NDUFS6: variants seen among roughly 807,000 people sequenced by gnomAD.
NDUFS6 encodes the protein NADH dehydrogenase [ubiquinone] iron-sulfur protein 6, mitochondrial.
NDUFS6 carries 14 observed loss-of-function variants against 13.2 expected under a neutral mutation model. The ratio of observed to expected loss-of-function variants is 1.06; its 90% CI spans 0.70 to 1.66. NDUFS6 has a LOEUF of 1.66. Ranked by LOEUF, NDUFS6 falls within the 40% of genes most tolerant of loss-of-function variation. The pLI is 0.00. For synonymous variants in NDUFS6, 95 were observed against 72.3 expected, an observed-to-expected ratio of 1.31 and a Z score of -1.60; for missense variants, 206 against 170.8, an observed-to-expected ratio of 1.21 and a Z score of -1.15.
At chr5:1,815,149 GAAA>G (rs980740477) in intron 3 of NDUFS6, among the ~76,000 whole-genome samples, 1 of 151,792 alleles carries the variant, frequency 6.6e-6, no homozygotes, top group Non-Finnish European at 1.5e-5. Flanking sequence ...GGACCATTGA[GAAA>G]AAAAAGAACA....
At position 1,803,980 on chromosome 5, in the gene NDUFS6, G is replaced by A. The variant is rs139710773; in HGVS notation, c.186+1606G>A. 5.1e-4 allele frequency among the ~76,000 whole-genome samples: 78 copies of A among 152,204 alleles called. No homozygotes were observed. The East Asian group carries it at 0.011, about 21-fold the overall frequency. On this transcript the variant is annotated intron_variant, in intron 2 of 3. Transcript: ENST00000274137. ...GGTATGGTTTCTTTTAGTGGTGACC[G>A]TGGAGAAGGGGAGAAACCGATGGAT...
chr5:1,807,110 ATGAGGTACTCAGAGGTACTGCG>A (rs70957392), intron 2 of NDUFS6, among the ~76,000 whole-genome samples: 23 of 62,106 alleles, frequency 3.7e-4, no homozygotes, highest in South Asian at 7.5e-4. Context: ...GAAGTACTGT[ATGAGGTACTCAGAGGTACTGCG>A]TGAGGTACTC....
rs567528957 is a variant in NDUFS6, at chr5:1,801,472, C to T, written c.55C>T (p.Arg19Trp). ...RLLNRCGEAA[R>W]SLPLGARCFG... ...GCTGAACCGGTGTGGCGAGGCGGCGCGGAGCCTGCCCCTGGGCGCCAGGTG... is the reference window on the plus strand; with the variant it reads ...GCTGAACCGGTGTGGCGAGGCGGCGTGGAGCCTGCCCCTGGGCGCCAGGTG... The change falls in exon 1 of 4, where the codon CGG (arginine) becomes TGG (tryptophan). Residue 19 changes from arginine to tryptophan, a missense_variant. By Grantham distance (101) the Arg-to-Trp change is moderately radical. Coordinates refer to ENST00000274137, the MANE Select transcript of NDUFS6 (RefSeq NM_004553.6). 3.1e-6 allele frequency: 5 copies of T among 1,603,556 alleles called. No individual in the cohort carries two copies. The highest frequency in any genetic ancestry group is 1.1e-5 in the South Asian group (1 of 90,780).
intron 2 of NDUFS6, 28 bp downstream of exon 2, chr5:1,802,402 T>G (rs371415129): frequency 1.3e-6 from 2 of 1,589,056 alleles, no homozygotes; most frequent in Non-Finnish European, 1.7e-6. Flanking sequence ...TGAAGAGAGG[T>G]AAGCTTTCCT....
Position 1,802,353 on chromosome 5 carries a change from G to T in NDUFS6, c.165G>T (p.Arg55=), listed in dbSNP as rs147278612. The T allele has an allele frequency of 1.7e-5, 28 of 1,613,928 alleles. No homozygotes were observed. The highest frequency in any genetic ancestry group is 2.3e-5 in the Non-Finnish European group (27 of 1,179,968). The change falls in exon 2 of 4, where the codon CGG becomes CGT. Residue 55 remains arginine (R), a synonymous_variant. Coordinates refer to ENST00000274137, the MANE Select transcript of NDUFS6 (RefSeq NM_004553.6). ...ATGATAAAGACTACAGGAGAATTCG[G>T]TTTGTAGGTCGTCAGAAAGAGGTGA... ...VYDDKDYRRI[R]FVGRQKEVNE...
intron 3 of NDUFS6, among the ~76,000 whole-genome samples, chr5:1,815,576 A>G (rs1362986524): frequency 6.6e-6 from 1 of 152,178 alleles, no homozygotes; most frequent in East Asian, 1.9e-4. Context: ...CGCCTGCTCC[A>G]GGCCGCTGAG....
Position 1,814,843 on chromosome 5 carries a change from G to T in NDUFS6, c.309+382G>T, listed in dbSNP as rs771843583. The T allele has an allele frequency of 1.6e-4, 96 of 618,992 alleles. No homozygotes were observed. Among genetic ancestry groups the T allele is most frequent in the Non-Finnish European group, 2.6e-4 (91 of 346,920 alleles). The allele number at this position is 618,992 out of a possible 1,614,324, so 38.3% of individuals were successfully genotyped here. On this transcript the variant is annotated intron_variant, in intron 3 of 3. Transcript: ENST00000274137. The surrounding 1 kb of genome is among the most constrained non-coding windows in gnomAD (Gnocchi z 4.9). The stretch of plus-strand genomic sequence containing the variant: ...CTGGAGGCTGCAGCCCAAGACCACC[G>T]TGCCGCTCTGTGGGTTCCTCCTGGG...
At chr5:1,805,293 G>A (rs2111350206) in intron 2 of NDUFS6, among the ~76,000 whole-genome samples, 1 of 152,218 alleles carries the variant, frequency 6.6e-6, no homozygotes, top group African/African-American at 2.4e-5. Context: ...TCATGCCATT[G>A]TACTCCAGCC....
Position 1,814,817 on chromosome 5 carries a change from G to A in NDUFS6, c.309+356G>A, listed in dbSNP as rs554256972. ...AAACAACAAACACATTTCCCACAGCGCTGGAGGCTGCAGCCCAAGACCACC... is the reference window on the plus strand; with the variant it reads ...AAACAACAAACACATTTCCCACAGCACTGGAGGCTGCAGCCCAAGACCACC... On this transcript the variant is annotated intron_variant, in intron 3 of 3. Transcript: ENST00000274137. The surrounding 1 kb of genome is among the most constrained non-coding windows in gnomAD (Gnocchi z 4.9). 397 of 638,348 alleles carry A rather than the reference G, an allele frequency of 6.2e-4. 2 individuals are homozygous for A. The African/African-American group carries it at 6.6e-3, about 11-fold the overall frequency. 39.5% of individuals were successfully genotyped at this position (638,348 alleles called of 1,614,324 possible). A position where few individuals can be genotyped will look rare whatever the true frequency, so the allele number is the denominator to read the frequency against.
At chr5:1,804,576 G>A (rs751060578) in intron 2 of NDUFS6, among the ~76,000 whole-genome samples, 2 of 152,268 alleles carry the variant, frequency 1.3e-5, no homozygotes, top group Non-Finnish European at 2.9e-5. Flanking sequence ...TTCAAGGCAT[G>A]TTGATAACAT....
At chr5:1,802,239 C>T (rs115621822) in intron 1 of NDUFS6, 82 bp from the exon 2 acceptor site, 8 of 1,311,402 alleles carry the variant, frequency 6.1e-6, no homozygotes, top group African/African-American at 1.5e-5. Flanking sequence ...AAAACACTTT[C>T]CTGTAATATT....
At chr5:1,803,144 A>G (rs1193378498) in intron 2 of NDUFS6, among the ~76,000 whole-genome samples, 1 of 152,052 alleles carries the variant, frequency 6.6e-6, no homozygotes, top group Non-Finnish European at 1.5e-5. Flanking sequence ...TTCTCCTTCA[A>G]TCTTGGTTAC....
intron 1 of NDUFS6, among the ~76,000 whole-genome samples, chr5:1,801,913 G>T (rs1372523660): frequency 6.6e-6 from 1 of 152,254 alleles, no homozygotes; most frequent in Non-Finnish European, 1.5e-5. Flanking sequence ...GAAGTCGGTT[G>T]TAGTCCAAGG....
At chr5:1,805,061 A>G (rs1472382041) in intron 2 of NDUFS6, among the ~76,000 whole-genome samples, 1 of 152,216 alleles carries the variant, frequency 6.6e-6, no homozygotes, top group South Asian at 2.1e-4. Context: ...CAGGCACAGT[A>G]GGCTTATGCC....
chr5:1,801,522 CG>C lies in NDUFS6; in HGVS notation c.109del (p.Glu37ArgfsTer21). On this transcript the variant is annotated frameshift_variant, in exon 1 of 4. Transcript: ENST00000274137. LOFTEE classifies it high-confidence loss of function. ...RCFGVRVSPT[G>X]EKVTHTGQVY... Reference sequence around the variant, plus strand: ...GTTTCGGGGTGCGGGTCTCGCCGACCGGGGAGAAGGTCACGCACACTGGCCA... The same window carrying C: ...GTTTCGGGGTGCGGGTCTCGCCGACCGGGAGAAGGTCACGCACACTGGCCA... 6.3e-7 allele frequency: 1 copy of C among 1,595,492 alleles called. No homozygotes were observed.
chr5:1,806,664 G>T (rs1460506753), intron 2 of NDUFS6, among the ~76,000 whole-genome samples: 4 of 152,192 alleles, frequency 2.6e-5, no homozygotes, highest in Non-Finnish European at 5.9e-5. Flanking sequence ...GAAAACAAGC[G>T]TGGGTGACGG....
intron 2 of NDUFS6, among the ~76,000 whole-genome samples, chr5:1,807,645 C>T (rs559708113): frequency 7.9e-5 from 12 of 152,334 alleles, no homozygotes; most frequent in East Asian, 1.9e-4. Context: ...TCTGCACACC[C>T]GTGGTGGTAA....
chr5:1,810,669 C>T (rs1734203965), intron 2 of NDUFS6, among the ~76,000 whole-genome samples: 1 of 152,142 alleles, frequency 6.6e-6, no homozygotes, highest in South Asian at 2.1e-4. Context: ...CAGTCAGTTT[C>T]AACAATTACC....
At chr5:1,801,971 A>G (rs766212490) in intron 1 of NDUFS6, among the ~76,000 whole-genome samples, 3 of 152,232 alleles carry the variant, frequency 2.0e-5, no homozygotes, top group African/African-American at 4.8e-5. Flanking sequence ...ACCTGTGTAT[A>G]CTGGAATGTG....
Sources: gnomAD v4.1 joint callset for allele counts (sites outside exome capture counted in the v4.1 genomes callset) on GRCh38, gnomAD v4.1.1 for gene constraint, Gnocchi (gnomAD v3.1) non-coding constraint, MANE v1.5 for transcripts, NCBI Gene and HGNC (gene_info 2026-07-23, HGNC 2026-07-21) for gene names.